MRPL1: variants seen among roughly 807,000 people sequenced by gnomAD.
The protein encoded by MRPL1 is mitochondrial ribosomal protein L1.
A neutral mutation model predicts 38.0 loss-of-function variants in MRPL1; 28 were observed. The ratio of observed to expected loss-of-function variants is 0.74; its 90% confidence interval spans 0.55 to 1.01. The LOEUF (loss-of-function observed/expected upper bound fraction) is 1.01, where lower values mean the gene tolerates loss of function less well. Among genes scored for constraint, MRPL1 ranks in the 50% least tolerant of loss-of-function variants. The probability of loss-of-function intolerance (pLI) is 0.00; values close to 1 mark genes in which losing one functional copy is unlikely to be tolerated. For synonymous variants in MRPL1, 123 were observed against 126.7 expected (o/e 0.97, Z 0.20); for missense variants, 358 against 389.8 (o/e 0.92, Z 0.69).
intron 6 of MRPL1, among the ~76,000 whole-genome samples, chr4:77,904,348 G>A (rs1029310144): frequency 6.6e-6 from 1 of 152,086 alleles, no homozygotes; most frequent in African/African-American, 2.4e-5. Flanking sequence ...GAGGCTGGGA[G>A]TTTGAGACCA....
intron 7 of MRPL1, among the ~76,000 whole-genome samples, chr4:77,917,596 A>G (rs7687170): frequency 0.22 from 33,739 of 152,086 alleles, 4,548 homozygotes; most frequent in African/African-American, 0.37. Context: ...CCAACTTAAT[A>G]TGTAAATTCT....
At chr4:77,891,429 C>G (rs1735805688) in intron 5 of MRPL1, among the ~76,000 whole-genome samples, 1 of 150,320 alleles carries the variant, frequency 6.7e-6, no homozygotes, top group South Asian at 2.1e-4. Flanking sequence ...GATCTCGGCT[C>G]ACTGCAACCT....
chr4:77,894,388 CG>C (rs1735870166), intron 6 of MRPL1, 138 bp downstream of exon 6: 1 of 548,766 alleles, frequency 1.8e-6, no homozygotes, highest in Non-Finnish European at 3.2e-6. Flanking sequence ...CGAGAACCTA[CG>C]GGTTTGATTT....
intron 2 of MRPL1, among the ~76,000 whole-genome samples, chr4:77,873,329 G>A (rs935310051): frequency 6.6e-6 from 1 of 152,184 alleles, no homozygotes; most frequent in African/African-American, 2.4e-5. Flanking sequence ...TGTGTTGGAG[G>A]AAGGATTTCA....
At chr4:77,931,503 C>T (rs1312332542) in intron 7 of MRPL1, among the ~76,000 whole-genome samples, 1 of 152,178 alleles carries the variant, frequency 6.6e-6, no homozygotes. Context: ...CTGTGACACA[C>T]AATCCAGGTT....
At chr4:77,915,105 T>G (rs1259246467) in intron 7 of MRPL1, among the ~76,000 whole-genome samples, 1 of 152,236 alleles carries the variant, frequency 6.6e-6, no homozygotes, top group Non-Finnish European at 1.5e-5. Flanking sequence ...TCTACTTACC[T>G]GTACAGGAGA....
intron 7 of MRPL1, among the ~76,000 whole-genome samples, chr4:77,922,266 T>A (rs1053160344): frequency 1.3e-5 from 2 of 152,176 alleles, no homozygotes; most frequent in Non-Finnish European, 2.9e-5. Flanking sequence ...CCAAAGAAAG[T>A]GACCGAAGGA....
At chr4:77,871,698 A>T in intron 1 of MRPL1, 46 bp from the exon 2 acceptor site, 1 of 861,552 alleles carries the variant, frequency 1.2e-6, no homozygotes, top group Non-Finnish European at 1.8e-6. Context: ...AATTATGAAT[A>T]TAATGATTAT....
intron 7 of MRPL1, among the ~76,000 whole-genome samples, chr4:77,944,508 T>C (rs1032621191): frequency 2.0e-5 from 3 of 152,202 alleles, no homozygotes; most frequent in Non-Finnish European, 4.4e-5. Context: ...TAGCACTTCG[T>C]TCATATAAAG....
chr4:77,869,454 C>G (rs972002874), intron 1 of MRPL1, among the ~76,000 whole-genome samples: 9 of 152,198 alleles, frequency 5.9e-5, no homozygotes, highest in Non-Finnish European at 1.5e-5. Context: ...ATATCATGAT[C>G]TAACAGTGCT....
At chr4:77,872,778 G>A (rs534620566) in intron 2 of MRPL1, among the ~76,000 whole-genome samples, 2 of 152,282 alleles carry the variant, frequency 1.3e-5, no homozygotes, top group East Asian at 1.9e-4. Flanking sequence ...TGGGAGAATC[G>A]CTTGAACCTG....
chr4:77,875,238 T>C (rs965350058), intron 2 of MRPL1, among the ~76,000 whole-genome samples: 4 of 152,238 alleles, frequency 2.6e-5, no homozygotes, highest in Non-Finnish European at 5.9e-5. Context: ...CAACTTCTGA[T>C]TAGTATGACT....
At chr4:77,944,135 C>T (rs1001083809) in intron 7 of MRPL1, among the ~76,000 whole-genome samples, 1 of 152,194 alleles carries the variant, frequency 6.6e-6, no homozygotes, top group African/African-American at 2.4e-5. Flanking sequence ...GAGAGCCAAA[C>T]TGTAGTGATT....
chr4:77,909,242 G>A, intron 6 of MRPL1, 24 bp from the exon 7 acceptor site: 1 of 1,372,628 alleles, frequency 7.3e-7, no homozygotes, highest in Non-Finnish European at 1.0e-6. Context: ...AGTGATAATT[G>A]TGGATTTTAC....
At chr4:77,913,657 A>G (rs1448649595) in intron 7 of MRPL1, among the ~76,000 whole-genome samples, 1 of 152,234 alleles carries the variant, frequency 6.6e-6, no homozygotes, top group Non-Finnish European at 1.5e-5. Flanking sequence ...AGGAGAAATG[A>G]AAACATGTGT....
At chr4:77,889,422 T>C (rs1735756478) in intron 5 of MRPL1, among the ~76,000 whole-genome samples, 1 of 152,182 alleles carries the variant, frequency 6.6e-6, no homozygotes. Context: ...AAAGATGTTC[T>C]TTGAAACCAA....
chr4:77,896,361 C>A (rs111544974), intron 6 of MRPL1, among the ~76,000 whole-genome samples: 1 of 152,104 alleles, frequency 6.6e-6, no homozygotes, highest in Admixed American at 6.5e-5. Context: ...GTTTTTCCCC[C>A]CTATTTGCGT....
intron 7 of MRPL1, among the ~76,000 whole-genome samples, chr4:77,942,037 C>T (rs917675080): frequency 3.9e-5 from 6 of 152,140 alleles, no homozygotes; most frequent in African/African-American, 9.6e-5. Flanking sequence ...CTTAGTACTC[C>T]GTTTACTGAA....
chr4:77,947,645 TTC>T (rs1447272368), intron 7 of MRPL1, among the ~76,000 whole-genome samples: 2 of 152,192 alleles, frequency 1.3e-5, no homozygotes, highest in Non-Finnish European at 2.9e-5. Flanking sequence ...CTTTCCTGAG[TTC>T]TCTCTAGAAC....
Sources: gnomAD v4.1 joint callset for allele counts (sites outside exome capture counted in the v4.1 genomes callset) on GRCh38, gnomAD v4.1.1 for gene constraint, MANE v1.5 for transcripts, NCBI Gene and HGNC (gene_info 2026-07-23, HGNC 2026-07-21) for gene names.